Variants in DCP1B observed in about 807,000 individuals in gnomAD.
DCP1B encodes the protein mRNA-decapping enzyme 1B.
Under a neutral mutation model 60.5 loss-of-function variants are expected in DCP1B, and 47 were observed. The ratio of observed to expected loss-of-function variants is 0.78; its 90% CI spans 0.61 to 0.99. The LOEUF is 0.99. DCP1B is among the 50% of genes least tolerant of loss of function. DCP1B has a pLI of 0.00. For missense variants in DCP1B, 725 were observed against 756.8 expected (o/e 0.96, Z 0.49); for synonymous variants, 267 against 280.3 (o/e 0.95, Z 0.47).
At chr12:1,949,809 G>A (rs1202115538) in intron 7 of DCP1B, among the ~76,000 whole-genome samples, 2 of 152,326 alleles carry the variant, frequency 1.3e-5, no homozygotes, top group East Asian at 1.9e-4. Flanking sequence ...CGTGGGGAGG[G>A]AGAGTGATGT....
chr12:1,953,344 A>G, intron 6 of DCP1B, 56 bp from the exon 7 acceptor site: 1 of 1,493,094 alleles, frequency 6.7e-7, no homozygotes, highest in Non-Finnish European at 8.9e-7. Context: ...TTATATGAGG[A>G]AGTGCTATGA....
chr12:1,965,612 G>T lies in DCP1B; in HGVS notation c.468C>A (p.Gly156=). The T allele has an allele frequency of 6.2e-7, 1 of 1,613,860 alleles. No individual in the cohort carries two copies. The highest frequency in any genetic ancestry group is 1.1e-5 in the South Asian group (1 of 91,052). The change falls in exon 5 of 9, where the codon GGC becomes GGA. Residue 156 remains glycine, a synonymous_variant. Coordinates refer to ENST00000280665, the MANE Select transcript of DCP1B (RefSeq NM_152640.5). ...ISPVILNSGE[G]KEVDILRMLI... ...GCATTCGTAAAATGTCTACTTCTTT[G>T]CCCTCTCCTGAATTGAGGATCACTG...
At chr12:1,993,017 T>C (rs2039840295) in intron 3 of DCP1B, 6 of 647,394 alleles carry the variant, frequency 9.3e-6, no homozygotes, top group Non-Finnish European at 1.6e-5. Context: ...ACACTACAAA[T>C]CCATAAAGCT....
At chr12:1,964,012 A>G (rs2031212884) in intron 5 of DCP1B, among the ~76,000 whole-genome samples, 1 of 152,128 alleles carries the variant, frequency 6.6e-6, no homozygotes, top group African/African-American at 2.4e-5. Context: ...TATTATATCC[A>G]CAACAGTAGA....
intron 1 of DCP1B, 32 bp downstream of exon 1, chr12:2,004,250 G>A (rs2042891166): frequency 5.0e-6 from 8 of 1,611,434 alleles, no homozygotes; most frequent in Non-Finnish European, 6.8e-6. Flanking sequence ...CCCCAACCCT[G>A]GGCTGCACTG....
At chr12:1,982,307 G>A (rs147270953) in intron 3 of DCP1B, among the ~76,000 whole-genome samples, 13 of 152,058 alleles carry the variant, frequency 8.5e-5, no homozygotes, top group South Asian at 6.2e-4. Context: ...AACCATCACC[G>A]CTATCCATCT....
intron 1 of DCP1B, among the ~76,000 whole-genome samples, chr12:2,002,080 T>C (rs886421270): frequency 6.6e-6 from 1 of 152,228 alleles, no homozygotes; most frequent in Non-Finnish European, 1.5e-5. Flanking sequence ...TCACATAATC[T>C]TTCTTAATCC....
At chr12:1,961,133 T>G (rs1198667795) in intron 5 of DCP1B, among the ~76,000 whole-genome samples, 1 of 152,184 alleles carries the variant, frequency 6.6e-6, no homozygotes, top group Non-Finnish European at 1.5e-5. Flanking sequence ...TGGATCATAT[T>G]TTGATGGGTG....
chr12:1,952,331 G>C (rs1020252599), intron 7 of DCP1B, 85 bp downstream of exon 7: 68 of 1,408,920 alleles, frequency 4.8e-5, no homozygotes, highest in Non-Finnish European at 6.3e-5. Context: ...GTGACACCAA[G>C]CCTGGCTACT....
At chr12:1,950,358 G>A (rs1281463827) in intron 7 of DCP1B, 6 of 702,362 alleles carry the variant, frequency 8.5e-6, no homozygotes, top group Non-Finnish European at 1.6e-5. Flanking sequence ...TTCTCACTCG[G>A]CTCTTGATAT....
chr12:1,979,387 T>G (rs2035446203), intron 3 of DCP1B, among the ~76,000 whole-genome samples: 1 of 152,160 alleles, frequency 6.6e-6, no homozygotes, highest in Non-Finnish European at 1.5e-5. Flanking sequence ...CCATCTTGGC[T>G]CACTACAACC....
At position 1,946,188 on chromosome 12, in the gene DCP1B, T is replaced by C; in HGVS notation, c.*18A>G. 6.4e-7 allele frequency: 1 copy of C among 1,563,902 alleles called. No homozygotes were observed. On this transcript the variant is annotated 3_prime_UTR_variant, in exon 9 of 9. Transcript: ENST00000280665. ...GTTCTAGAAGGACCTTGAAAATCAG[T>C]TTTAAAAGGCCTTGCTGTCACATAG...
intron 3 of DCP1B, among the ~76,000 whole-genome samples, chr12:1,987,438 AAAAAT>A (rs1459857767): frequency 6.6e-6 from 1 of 152,224 alleles, no homozygotes; most frequent in African/African-American, 2.4e-5. Context: ...TTATTTCCAT[AAAAAT>A]AATACATGTA....
intron 6 of DCP1B, among the ~76,000 whole-genome samples, chr12:1,955,180 T>C (rs1216415929): frequency 6.6e-6 from 1 of 152,184 alleles, no homozygotes; most frequent in Non-Finnish European, 1.5e-5. Context: ...AAATACATTA[T>C]CTTTTAAGGA....
intron 6 of DCP1B, among the ~76,000 whole-genome samples, chr12:1,953,918 C>T: frequency 6.6e-6 from 1 of 152,242 alleles, no homozygotes; most frequent in Admixed American, 6.5e-5. Context: ...CACAGTGGCT[C>T]ATGCCTGTAA....
At chr12:1,960,930 ACCACTTTACTCAGGGTCT>A (rs1324144454) in intron 5 of DCP1B, among the ~76,000 whole-genome samples, 1 of 152,084 alleles carries the variant, frequency 6.6e-6, no homozygotes, top group Admixed American at 6.6e-5. Context: ...CTGTCTCAGA[ACCACTTTACTCAGGGTCT>A]CCACATTTTC....
Position 1,949,116 on chromosome 12 carries a change from C to T in DCP1B, c.1743G>A (p.Gln581=). 1.2e-6 allele frequency: 2 copies of T among 1,614,072 alleles called. No homozygotes were observed. Among genetic ancestry groups the T allele is most frequent in the Non-Finnish European group, 1.7e-6 (2 of 1,179,968 alleles). ...TGAGGTACAGCAGTGCCTCCTGGAG[C>T]TGGAGCTTGGTGAGTGGGCTGCTGG... ...VITSSPLTKL[Q]LQEALLYLIQ... is the part of the protein sequence containing the mutation. Residue 581 remains glutamine, a synonymous_variant, in exon 8 of 9, where the codon CAG becomes CAA. Coordinates refer to ENST00000280665, the MANE Select transcript of DCP1B (RefSeq NM_152640.5).
intron 3 of DCP1B, among the ~76,000 whole-genome samples, chr12:1,987,612 G>C (rs888775008): frequency 6.6e-6 from 1 of 151,874 alleles, no homozygotes; most frequent in African/African-American, 2.4e-5. Context: ...TTTTCTTATG[G>C]TATTTAAATC....
chr12:1,948,570 C>T lies in DCP1B; in HGVS notation c.1773+516G>A, dbSNP rs1176392322. ...TGAGGCTAGCAGCTCACAAGGAGTC[C>T]TGTCACTCCATCCCGTCCTAATGAG... On this transcript the variant is annotated intron_variant, in intron 8 of 8. Transcript: ENST00000280665. The surrounding 1 kb of genome is among the most constrained non-coding windows in gnomAD (Gnocchi z 4.8). 6.6e-6 allele frequency among the ~76,000 whole-genome samples: 1 copy of T among 152,216 alleles called. No homozygotes were observed. Among genetic ancestry groups the T allele is most frequent in the African/African-American group, 2.4e-5 (1 of 41,456 alleles).
Sources: allele counts gnomAD v4.1 joint callset (sites outside exome capture counted in the v4.1 genomes callset), GRCh38; gene constraint gnomAD v4.1.1; non-coding constraint Gnocchi (gnomAD v3.1); transcripts MANE v1.5; gene names NCBI Gene and HGNC (gene_info 2026-07-23, HGNC 2026-07-21).